ATF3: variants seen among roughly 807,000 people sequenced by gnomAD.
The protein encoded by ATF3 is cyclic AMP-dependent transcription factor ATF-3.
Under a neutral mutation model 18.4 loss-of-function variants are expected in ATF3, and 10 were observed. The ratio of observed to expected loss-of-function variants is 0.54; its 90% confidence interval spans 0.34 to 0.92. The LOEUF (loss-of-function observed/expected upper bound fraction) is 0.92. Ranked by LOEUF, ATF3 falls within the 40% of genes least tolerant of loss-of-function variation. The pLI is 0.02. For synonymous variants in ATF3, 78 were observed against 87.9 expected (o/e 0.89, Z 0.63); for missense variants, 183 against 222.3 (o/e 0.82, Z 1.12).
At chr1:212,612,297 A>AG (rs1302552063) in intron 1 of ATF3, among the ~76,000 whole-genome samples, 2 of 152,178 alleles carry the variant, frequency 1.3e-5, no homozygotes, top group African/African-American at 4.8e-5. Flanking sequence ...GAAGAAGGGT[A>AG]GGGGGCGGGA....
intron 1 of ATF3, among the ~76,000 whole-genome samples, chr1:212,601,813 C>G (rs1043346502): frequency 1.5e-4 from 23 of 152,062 alleles, no homozygotes; most frequent in African/African-American, 5.6e-4. Context: ...GGTCTAGACA[C>G]TTTGGTGTCT....
In ATF3 at chr1:212,615,189, C is replaced by T. The variant is rs770227012; in HGVS notation, c.168C>T (p.His56=). 4 of 1,614,110 alleles carry T rather than the reference C, an allele frequency of 2.5e-6. No homozygotes were observed. Among genetic ancestry groups the T allele is most frequent in the Non-Finnish European group, 3.4e-6 (4 of 1,180,052 alleles). Reference sequence around the variant, plus strand: ...CCATCCAGAACAAGCACCTCTGCCACCGGATGTCCTCTGCGCTGGAATCAG... The same window carrying T: ...CCATCCAGAACAAGCACCTCTGCCATCGGATGTCCTCTGCGCTGGAATCAG... ...RFAIQNKHLC[H]RMSSALESVT... is the part of the protein sequence containing the mutation. Residue 56 remains histidine (H), a synonymous_variant, in exon 2 of 4, where the codon CAC becomes CAT. Coordinates refer to ENST00000341491, the MANE Select transcript of ATF3 (RefSeq NM_001674.4).
chr1:212,593,221 A>G (rs1367879458), intron 1 of ATF3, among the ~76,000 whole-genome samples: 1 of 147,720 alleles, frequency 6.8e-6, no homozygotes, highest in Admixed American at 6.8e-5. Context: ...GTTCTCACTC[A>G]TAGGTGGGAA....
intron 1 of ATF3, among the ~76,000 whole-genome samples, chr1:212,597,895 C>T (rs1237247582): frequency 6.6e-6 from 1 of 152,140 alleles, no homozygotes; most frequent in Non-Finnish European, 1.5e-5. Context: ...TTTATTCTTT[C>T]CTGGATTCCA....
intron 1 of ATF3, among the ~76,000 whole-genome samples, chr1:212,587,625 G>C (rs1447076481): frequency 6.6e-6 from 1 of 152,166 alleles, no homozygotes; most frequent in Non-Finnish European, 1.5e-5. Context: ...GCAGAAAACA[G>C]TAAATAAAAT....
In ATF3 at chr1:212,618,949, G is replaced by A; in HGVS notation, c.349-409G>A. The A allele has an allele frequency of 1.3e-6, 2 of 1,490,822 alleles. No individual in the cohort carries two copies. The highest frequency in any genetic ancestry group is 1.4e-5 in the African/African-American group (1 of 72,378). The allele number at this position is 1,490,822 out of a possible 1,614,324, so 92.3% of individuals were successfully genotyped here. On this transcript the variant is annotated intron_variant, in intron 3 of 3. Transcript: ENST00000341491. The surrounding 1 kb of genome is among the most constrained non-coding windows in gnomAD (Gnocchi z 4.4). The stretch of plus-strand genomic sequence containing the variant: ...ATCAGTGAAAATTAGGGAATTTTGT[G>A]TGTTGCTATATACATTTTTTCTGGG...
rs1655345116 is a variant in ATF3 at position 212,620,566 on chromosome 1, G to C, written c.*1011G>C. 1 of 152,626 alleles carries C rather than the reference G, an allele frequency of 6.6e-6. No homozygotes were observed. The highest frequency in any genetic ancestry group is 6.5e-5 in the Admixed American group (1 of 15,284). 9.5% of individuals were successfully genotyped at this position (152,626 alleles called of 1,614,324 possible). Reference sequence around the variant, plus strand: ...TAGCTGTTTTAAGAAATCTGGCCCAGGGTGTTTGCAGCTGTGAGAAGTCAC... The same window carrying C: ...TAGCTGTTTTAAGAAATCTGGCCCACGGTGTTTGCAGCTGTGAGAAGTCAC... On this transcript the variant is annotated 3_prime_UTR_variant, in exon 4 of 4. Coordinates refer to ENST00000341491, the MANE Select transcript of ATF3 (RefSeq NM_001674.4).
chr1:212,619,040 C>T lies in ATF3; in HGVS notation c.349-318C>T, dbSNP rs1269816470. ...TAAGCCACCATAAGTCTGGATTTCT[C>T]CCCAGCTCCCAAGGCCCTTTTGGGT... is the stretch of plus-strand genomic sequence containing the variant. On this transcript the variant is annotated intron_variant, in intron 3 of 3. Transcript: ENST00000341491. This position sits in a 1 kb window ranked among gnomAD's most constrained non-coding sequence, Gnocchi z 4.4. 3 of 1,614,150 alleles carry T rather than the reference C, an allele frequency of 1.9e-6. No individual in the cohort carries two copies. Among genetic ancestry groups the T allele is most frequent in the South Asian group, 1.1e-5 (1 of 91,080 alleles).
chr1:212,618,383 A>G lies in ATF3; in HGVS notation c.348+149A>G. On this transcript the variant is annotated intron_variant, in intron 3 of 3. Transcript: ENST00000341491. The surrounding 1 kb of genome is among the most constrained non-coding windows in gnomAD (Gnocchi z 4.4). Reference sequence around the variant, plus strand: ...AGCTGGTAGCAGAAATGCCAGTTGCAGAATGAGGAGGTGGCAAAGCAGTTA... The same window carrying G: ...AGCTGGTAGCAGAAATGCCAGTTGCGGAATGAGGAGGTGGCAAAGCAGTTA... 1.2e-6 allele frequency: 1 copy of G among 810,024 alleles called. No homozygotes were observed. The allele number at this position is 810,024 out of a possible 1,614,324, so 50.2% of individuals were successfully genotyped here.
At position 212,609,696 on chromosome 1, in the gene ATF3, G is replaced by A. The variant is rs150836061; in HGVS notation, c.-5+766G>A. Among the ~76,000 whole-genome samples the A allele has an allele frequency of 4.5e-4, 69 of 152,372 alleles. No individual in the cohort carries two copies. In the East Asian group the frequency reaches 0.013, roughly 28 times the overall value. On this transcript the variant is annotated intron_variant, in intron 1 of 3. Coordinates refer to ENST00000341491, the MANE Select transcript of ATF3 (RefSeq NM_001674.4). ...CCCACACACCTGGGACTCTCACTCT[G>A]GCTTTTCCTTCGGCGGGTCCGCGGG... is the stretch of plus-strand genomic sequence containing the variant.
chr1:212,587,245 G>A (rs184447987), intron 1 of ATF3, among the ~76,000 whole-genome samples: 106 of 152,280 alleles, frequency 7.0e-4, no homozygotes, highest in African/African-American at 2.5e-3. Flanking sequence ...CATAATTGGC[G>A]TTCAATAAAT....
chr1:212,571,438 C>A (rs939001464), intron 1 of ATF3, among the ~76,000 whole-genome samples: 2 of 152,152 alleles, frequency 1.3e-5, no homozygotes, highest in East Asian at 3.9e-4. Flanking sequence ...ATGGGAGTCT[C>A]ACTGTGTTGC....
chr1:212,577,563 C>T (rs1396820171), intron 1 of ATF3, among the ~76,000 whole-genome samples: 2 of 151,676 alleles, frequency 1.3e-5, no homozygotes, highest in Non-Finnish European at 2.9e-5. Flanking sequence ...CTCACCAGCC[C>T]CACCCCCATC....
intron 1 of ATF3, among the ~76,000 whole-genome samples, chr1:212,579,146 G>A (rs1400356743): frequency 5.3e-5 from 8 of 151,780 alleles, no homozygotes; most frequent in Admixed American, 5.2e-4. Context: ...CGAGTAGCTG[G>A]GATTACGGGC....
chr1:212,607,549 C>A (rs1654672772), upstream of ATF3, among the ~76,000 whole-genome samples: 1 of 152,256 alleles, frequency 6.6e-6, no homozygotes, highest in Non-Finnish European at 1.5e-5. Context: ...GGGGCCCCGC[C>A]TTTCCCGCCA....
At chr1:212,573,567 A>C (rs1476854584) in intron 1 of ATF3, among the ~76,000 whole-genome samples, 5 of 151,916 alleles carry the variant, frequency 3.3e-5, no homozygotes, top group Non-Finnish European at 5.9e-5. Context: ...TCAGGGTTTT[A>C]TATCAGGGTC....
upstream of ATF3, among the ~76,000 whole-genome samples, chr1:212,607,146 G>A (rs1654655033): frequency 6.6e-6 from 1 of 152,210 alleles, no homozygotes; most frequent in Non-Finnish European, 1.5e-5. Flanking sequence ...GGTGGTCTGA[G>A]TGAGGTCGGG....
chr1:212,618,950 T>G lies in ATF3; in HGVS notation c.349-408T>G. The G allele has an allele frequency of 6.7e-7, 1 of 1,494,800 alleles. No homozygotes were observed. Among genetic ancestry groups the G allele is most frequent in the Non-Finnish European group, 9.3e-7 (1 of 1,076,928 alleles). 92.6% of individuals were successfully genotyped at this position (1,494,800 alleles called of 1,614,324 possible). A position where few individuals can be genotyped will look rare whatever the true frequency, so the allele number is the denominator to read the frequency against. ...TCAGTGAAAATTAGGGAATTTTGTG[T>G]GTTGCTATATACATTTTTTCTGGGG... On this transcript the variant is annotated intron_variant, in intron 3 of 3. Coordinates refer to ENST00000341491, the MANE Select transcript of ATF3 (RefSeq NM_001674.4). The surrounding 1 kb of genome is among the most constrained non-coding windows in gnomAD (Gnocchi z 4.4).
intron 1 of ATF3, among the ~76,000 whole-genome samples, chr1:212,574,872 A>T (rs751350087): frequency 6.6e-6 from 1 of 151,986 alleles, no homozygotes; most frequent in Non-Finnish European, 1.5e-5. Context: ...CTATGCCAGT[A>T]CTACCACAAT....
Sources: gnomAD v4.1 joint callset for allele counts (sites outside exome capture counted in the v4.1 genomes callset) on GRCh38, gnomAD v4.1.1 for gene constraint, Gnocchi (gnomAD v3.1) non-coding constraint, MANE v1.5 for transcripts, NCBI Gene and HGNC (gene_info 2026-07-23, HGNC 2026-07-21) for gene names.